INPP4B: variants seen among roughly 807,000 people sequenced by gnomAD.
INPP4B encodes the protein inositol polyphosphate-4-phosphatase type II B.
A neutral mutation model predicts 122.5 loss-of-function variants in INPP4B; 55 were observed. That is an observed-to-expected ratio of 0.45 (90% CI 0.36 to 0.56). INPP4B has a LOEUF of 0.56. Among genes scored for constraint, INPP4B ranks in the 20% least tolerant of loss-of-function variants. The pLI is 0.00. For missense variants in INPP4B, 1,000 were observed against 1,097.7 expected, an observed-to-expected ratio of 0.91 and a Z score of 1.26; for synonymous variants, 403 against 388.7, an observed-to-expected ratio of 1.04 and a Z score of -0.43.
intron 12 of INPP4B, among the ~76,000 whole-genome samples, chr4:142,226,236 A>G (rs1459127411): frequency 6.6e-6 from 1 of 152,170 alleles, no homozygotes; most frequent in African/African-American, 2.4e-5. Flanking sequence ...ACACACTCAC[A>G]TATAAGTACA....
chr4:142,030,364 A>G, intron 25 of INPP4B: 1 of 1,397,706 alleles, frequency 7.2e-7, no homozygotes, highest in Non-Finnish European at 9.7e-7. Context: ...ACAGTAAAAA[A>G]AATTCAGCCT....
At chr4:142,765,539 A>C (rs1771984203) in intron 1 of INPP4B, among the ~76,000 whole-genome samples, 2 of 152,146 alleles carry the variant, frequency 1.3e-5, no homozygotes, top group South Asian at 4.1e-4. Context: ...TTGAAAATAG[A>C]TGTATTTCCC....
At chr4:142,150,060 T>C (rs1329386441) in intron 17 of INPP4B, among the ~76,000 whole-genome samples, 5 of 152,194 alleles carry the variant, frequency 3.3e-5, no homozygotes, top group Non-Finnish European at 7.3e-5. Context: ...TATATCTCTG[T>C]GAAAACATAC....
At chr4:142,386,708 C>T (rs1272410933) in intron 7 of INPP4B, among the ~76,000 whole-genome samples, 4 of 152,196 alleles carry the variant, frequency 2.6e-5, no homozygotes, top group Admixed American at 2.6e-4. Context: ...AATCTTTTTC[C>T]ACTATGTGGC....
Position 142,342,978 on chromosome 4 carries a change from A to G in INPP4B, c.373-28216T>C, listed in dbSNP as rs543849156. Among the ~76,000 whole-genome samples, 8 of 152,290 alleles carry G rather than the reference A, an allele frequency of 5.3e-5. No individual in the cohort carries two copies. In the South Asian group the frequency reaches 1.0e-3, roughly 20 times the overall value. The stretch of plus-strand genomic sequence containing the variant: ...ACCATTTTTGTAAGTGAATGCTATC[A>G]TAAAGAAATTTGGATAGAAACCCTG... On this transcript the variant is annotated intron_variant, in intron 7 of 25. Coordinates refer to ENST00000262992, the MANE Select transcript of INPP4B (RefSeq NM_001101669.3).
chr4:142,157,959 T>A (rs975595798), intron 17 of INPP4B, among the ~76,000 whole-genome samples: 1 of 151,952 alleles, frequency 6.6e-6, no homozygotes, highest in Admixed American at 6.6e-5. Context: ...ACATCCTCCC[T>A]GCAGTCTCAG....
chr4:142,510,528 A>T (rs533972830), intron 2 of INPP4B, among the ~76,000 whole-genome samples: 1 of 152,332 alleles, frequency 6.6e-6, no homozygotes, highest in Non-Finnish European at 1.5e-5. Context: ...TTTTGCACAT[A>T]GCTTGAAAAC....
chr4:142,191,967 C>T (rs145663487), intron 15 of INPP4B, among the ~76,000 whole-genome samples: 46 of 152,070 alleles, frequency 3.0e-4, no homozygotes, highest in African/African-American at 8.7e-4. Context: ...CCTTTAAATG[C>T]TTTCTTCCTA....
rs184523464 is a variant in INPP4B, at chr4:142,497,274, C to T, written c.-190-34548G>A. Among the ~76,000 whole-genome samples the T allele has an allele frequency of 5.3e-5, 8 of 152,206 alleles. No individual in the cohort carries two copies. In the East Asian group the frequency reaches 1.5e-3, roughly 29 times the overall value. ...TGCTGAGCCCCAGCTCTCCTAGCCTCACGAAAATTATTAGAATAACAAAGC... is the reference window on the plus strand; with the variant it reads ...TGCTGAGCCCCAGCTCTCCTAGCCTTACGAAAATTATTAGAATAACAAAGC... On this transcript the variant is annotated intron_variant, in intron 2 of 25. Coordinates refer to ENST00000262992, the MANE Select transcript of INPP4B (RefSeq NM_001101669.3).
At chr4:142,226,106 A>C (rs1851442521) in intron 12 of INPP4B, among the ~76,000 whole-genome samples, 1 of 152,326 alleles carries the variant, frequency 6.6e-6, no homozygotes, top group Middle Eastern at 3.4e-3. Context: ...AATATATGGC[A>C]ACATTAAAAC....
intron 21 of INPP4B, 35 bp downstream of exon 21, chr4:142,122,093 C>T (rs1796784877): frequency 7.3e-7 from 1 of 1,367,332 alleles, no homozygotes; most frequent in Non-Finnish European, 1.0e-6. Context: ...ACATGTCTAA[C>T]AAAGCCTGGT....
At chr4:142,177,657 C>T (rs565456490) in intron 15 of INPP4B, among the ~76,000 whole-genome samples, 25 of 151,866 alleles carry the variant, frequency 1.6e-4, no homozygotes, top group East Asian at 9.7e-4. Context: ...CATTTAAATA[C>T]GGTAATTTAA....
At chr4:142,116,124 T>C (rs1793208677) in intron 21 of INPP4B, among the ~76,000 whole-genome samples, 1 of 152,224 alleles carries the variant, frequency 6.6e-6, no homozygotes, top group African/African-American at 2.4e-5. Flanking sequence ...ATCCTAAATA[T>C]ATATGCACCC....
At chr4:142,298,444 TG>T (rs1759793246) in intron 9 of INPP4B, among the ~76,000 whole-genome samples, 1 of 149,684 alleles carries the variant, frequency 6.7e-6, no homozygotes, top group Admixed American at 6.7e-5. Flanking sequence ...CCCAGCACTT[TG>T]GGAGGCCGAG....
At chr4:142,834,007 C>A (rs946284109) in intron 1 of INPP4B, among the ~76,000 whole-genome samples, 2 of 152,036 alleles carry the variant, frequency 1.3e-5, no homozygotes, top group Non-Finnish European at 2.9e-5. Context: ...TATTTTTCTA[C>A]CTAAAGCACC....
At chr4:142,598,987 CT>C (rs1366511246) in intron 2 of INPP4B, among the ~76,000 whole-genome samples, 2 of 152,166 alleles carry the variant, frequency 1.3e-5, no homozygotes, top group Non-Finnish European at 2.9e-5. Context: ...GATCCATCCC[CT>C]ACTTTGTATA....
At chr4:142,070,452 T>A (rs898638686) in intron 25 of INPP4B, among the ~76,000 whole-genome samples, 2 of 152,088 alleles carry the variant, frequency 1.3e-5, no homozygotes, top group African/African-American at 4.8e-5. Context: ...TCTTTCACCA[T>A]TCCTCTTCAA....
At chr4:142,112,713 C>T (rs1357561218) in intron 21 of INPP4B, 31 bp from the exon 22 acceptor site, 2 of 1,582,448 alleles carry the variant, frequency 1.3e-6, no homozygotes, top group Admixed American at 2.0e-5. Flanking sequence ...AGGGAAGAAA[C>T]ATTACTTATT....
At chr4:142,217,008 A>G (rs1241911766) in intron 12 of INPP4B, among the ~76,000 whole-genome samples, 1 of 152,192 alleles carries the variant, frequency 6.6e-6, no homozygotes, top group African/African-American at 2.4e-5. Context: ...AAAGTGTTGG[A>G]CAAATTAGGG....
Sources: allele counts gnomAD v4.1 joint callset (sites outside exome capture counted in the v4.1 genomes callset), GRCh38; gene constraint gnomAD v4.1.1; transcripts MANE v1.5; gene names NCBI Gene and HGNC (gene_info 2026-07-23, HGNC 2026-07-21).